PCDHA5: variants seen among roughly 807,000 people sequenced by gnomAD.
PCDHA5 encodes protocadherin alpha 5.
In PCDHA5, 43 loss-of-function variants were observed where a neutral mutation model predicts 61.6. That is an observed-to-expected ratio of 0.70 (90% CI 0.55 to 0.90). The LOEUF is 0.90. PCDHA5 is among the 40% of genes least tolerant of loss of function. PCDHA5 has a pLI of 0.00. For missense variants in PCDHA5, 1,298 were observed against 1,222.7 expected (o/e 1.06, Z -0.92); for synonymous variants, 627 against 543.9 (o/e 1.15, Z -2.13).
In PCDHA5 at chr5:140,903,479, T is replaced by C. The variant is rs73266018; in HGVS notation, c.2353-75470T>C. On this transcript the variant is annotated intron_variant, in intron 1 of 3. Transcript: ENST00000529859. The stretch of plus-strand genomic sequence containing the variant: ...ACTTAAAATATTATTCCTTGCATTA[T>C]AGTTCTGAGCAGGTACCATAGATAA... Among the ~76,000 whole-genome samples, 476 of 152,354 alleles carry C rather than the reference T, an allele frequency of 3.1e-3. 2 individuals are homozygous for C. The highest frequency in any genetic ancestry group is 0.011 in the African/African-American group (456 of 41,586).
intron 3 of PCDHA5, chr5:140,989,054 A>G (rs1481333744): frequency 6.6e-6 from 1 of 152,214 alleles, no homozygotes; most frequent in African/African-American, 2.4e-5. Flanking sequence ...TGCCAGCTAC[A>G]TTGAGGCAAT....
intron 1 of PCDHA5, among the ~76,000 whole-genome samples, chr5:140,921,524 T>C (rs2080251541): frequency 6.6e-6 from 1 of 152,164 alleles, no homozygotes; most frequent in South Asian, 2.1e-4. Flanking sequence ...GAAATAAAAA[T>C]CTGCTGATAG....
At chr5:140,824,619 T>TTTTTTTTTTTTG (rs1768250540) in intron 1 of PCDHA5, 2 of 129,516 alleles carry the variant, frequency 1.5e-5, no homozygotes, top group African/African-American at 3.5e-5. Flanking sequence ...AGTTTTTTTT[T>TTTTTTTTTTTTG]TTTTTTTTTT....
At chr5:140,990,084 C>T (rs31873) in intron 3 of PCDHA5, among the ~76,000 whole-genome samples, 3,615 of 152,028 alleles carry the variant, frequency 0.024, 147 homozygotes, top group African/African-American at 0.081. Flanking sequence ...ACAAAGGATG[C>T]TTGTGCTACT....
intron 1 of PCDHA5, chr5:140,863,094 G>A (rs782437357): frequency 8.7e-6 from 5 of 576,444 alleles, no homozygotes; most frequent in African/African-American, 3.7e-5. Flanking sequence ...TCAGCACGAC[G>A]AGTACCCTGG....
intron 1 of PCDHA5, chr5:140,831,157 A>G (rs1274029046): frequency 6.6e-6 from 1 of 152,206 alleles, no homozygotes; most frequent in African/African-American, 2.4e-5. Context: ...ACCGATCTAA[A>G]TAATGGAAAA....
chr5:140,873,875 G>T (rs977504739), intron 1 of PCDHA5, among the ~76,000 whole-genome samples: 2 of 152,104 alleles, frequency 1.3e-5, no homozygotes, highest in African/African-American at 4.8e-5. Context: ...TGGCCAGGCT[G>T]GTCTTGAACT....
intron 1 of PCDHA5, among the ~76,000 whole-genome samples, chr5:140,944,059 T>C (rs190208662): frequency 6.6e-6 from 1 of 152,296 alleles, no homozygotes; most frequent in East Asian, 1.9e-4. Flanking sequence ...TACAAAAAGG[T>C]TTCTTGTTAA....
chr5:140,848,975 A>G lies in PCDHA5; in HGVS notation c.2352+24848A>G, dbSNP rs2040717769. 3 of 1,601,024 alleles carry G rather than the reference A, an allele frequency of 1.9e-6. No homozygotes were observed. The East Asian group carries it at 6.7e-5, about 36-fold the overall frequency. ...TTCCACTAGAGGGCGCGTCCGATGC[A>G]GATATCGGGGAGAACGCCCTGCTCA... On this transcript the variant is annotated intron_variant, in intron 1 of 3. Transcript: ENST00000529859.
chr5:140,862,881 T>C, intron 1 of PCDHA5: 3 of 564,618 alleles, frequency 5.3e-6, no homozygotes, highest in Non-Finnish European at 1.0e-5. Context: ...GTATTAGTGC[T>C]GGAACGACAA....
At position 140,876,234 on chromosome 5, in the gene PCDHA5, T is replaced by C. The variant is rs1260556049; in HGVS notation, c.2352+52107T>C. 4 of 1,613,902 alleles carry C rather than the reference T, an allele frequency of 2.5e-6. No individual in the cohort carries two copies. In the South Asian group the frequency reaches 3.3e-5, roughly 13 times the overall value. On this transcript the variant is annotated intron_variant, in intron 1 of 3. Transcript: ENST00000529859. ...GCTATAAAGTAGTGTTGTCTGAAAA[T>C]GTCCAAAACGACACAAGAGTGATCC...
intron 1 of PCDHA5, chr5:140,876,529 A>G (rs375358450): frequency 1.2e-5 from 19 of 1,614,034 alleles, no homozygotes; most frequent in Non-Finnish European, 1.5e-5. Context: ...AGTAATGGTT[A>G]CTTCACTGTC....
At chr5:140,833,623 C>T (rs2150209911) in intron 1 of PCDHA5, among the ~76,000 whole-genome samples, 3 of 152,064 alleles carry the variant, frequency 2.0e-5, no homozygotes, top group Non-Finnish European at 4.4e-5. Context: ...ATTCAGAATA[C>T]TTCCTCCTCA....
chr5:140,869,205 C>G, intron 1 of PCDHA5: 1 of 1,613,994 alleles, frequency 6.2e-7, no homozygotes. Flanking sequence ...TCCACTACTC[C>G]GTCTCGGAGG....
At chr5:140,886,364 C>T (rs2060956289) in intron 1 of PCDHA5, among the ~76,000 whole-genome samples, 1 of 152,082 alleles carries the variant, frequency 6.6e-6, no homozygotes. Context: ...CATAGGTGTA[C>T]ATGCCATGGT....
chr5:140,849,632 A>G lies in PCDHA5; in HGVS notation c.2352+25505A>G, dbSNP rs2150443246. On this transcript the variant is annotated intron_variant, in intron 1 of 3. Transcript: ENST00000529859. ...TGATTAGTGTGATCGACCTAGACGCAGATGCCAACGGGCAGGTTACCTGCT... is the reference window on the plus strand; with the variant it reads ...TGATTAGTGTGATCGACCTAGACGCGGATGCCAACGGGCAGGTTACCTGCT... The G allele has an allele frequency of 2.5e-6, 4 of 1,598,772 alleles. No homozygotes were observed. In the South Asian group the frequency reaches 4.4e-5, roughly 18 times the overall value.
At chr5:140,991,539 C>T (rs1458315356) in intron 3 of PCDHA5, among the ~76,000 whole-genome samples, 3 of 152,164 alleles carry the variant, frequency 2.0e-5, no homozygotes, top group Admixed American at 6.6e-5. Context: ...CACTATATAA[C>T]AAGGATCCAC....
rs1316558090 is a variant in PCDHA5, at chr5:140,876,786, G to A, written c.2352+52659G>A. 4 of 1,614,114 alleles carry A rather than the reference G, an allele frequency of 2.5e-6. No individual in the cohort carries two copies. In the African/African-American group the frequency reaches 5.3e-5, roughly 22 times the overall value. ...GGGGCTCGCCTTCGCTGTGGGCCAC[G>A]GCTAGAGTGTCCGTGGAGGTGGCCG... is the stretch of plus-strand genomic sequence containing the variant. On this transcript the variant is annotated intron_variant, in intron 1 of 3. Transcript: ENST00000529859.
chr5:140,994,072 G>T (rs1587604928), intron 3 of PCDHA5, among the ~76,000 whole-genome samples: 1 of 152,242 alleles, frequency 6.6e-6, no homozygotes, highest in East Asian at 1.9e-4. Flanking sequence ...TAATGGTGAA[G>T]GGAGAAATGT....
Sources: allele counts gnomAD v4.1 joint callset (sites outside exome capture counted in the v4.1 genomes callset), GRCh38; gene constraint gnomAD v4.1.1; transcripts MANE v1.5; gene names NCBI Gene and HGNC (gene_info 2026-07-23, HGNC 2026-07-21).